SYNE2: variants seen among roughly 807,000 people sequenced by gnomAD.
SYNE2 encodes the protein spectrin repeat containing nuclear envelope protein 2, also known as nesprin-2.
In SYNE2, 431 loss-of-function variants were observed where a neutral mutation model predicts 856.3. The observed-to-expected ratio is 0.50, with a 90% confidence interval of 0.47 to 0.55. The LOEUF is 0.55. Among genes scored for constraint, SYNE2 ranks in the 20% least tolerant of loss-of-function variants. The pLI, the probability that SYNE2 is intolerant of heterozygous loss-of-function variation, is 0.00. For missense variants in SYNE2, 8,129 were observed against 8,023.2 expected (o/e 1.01, Z -0.50); for synonymous variants, 2,923 against 2,872.3 (o/e 1.02, Z -0.56).
intron 1 of SYNE2, among the ~76,000 whole-genome samples, chr14:63,906,888 G>A (rs2095415209): frequency 6.6e-6 from 1 of 152,196 alleles, no homozygotes; most frequent in East Asian, 1.9e-4. Context: ...ATGAGGGCCT[G>A]TTTCCTCATA....
Position 64,053,143 on chromosome 14 carries a change from C to T in SYNE2, c.9230C>T (p.Pro3077Leu), listed in dbSNP as rs200742016. 4,062 of 1,614,022 alleles carry T rather than the reference C, an allele frequency of 2.5e-3. 10 individuals carry two copies. Among genetic ancestry groups the T allele is most frequent in the Non-Finnish European group, 3.2e-3 (3,768 of 1,180,014 alleles). ...GTACTAAAAGCTCCTGATAGCTCTC[C>T]GGAAAGCAGACGGCTCAATGCCCAA... is the stretch of plus-strand genomic sequence containing the variant. ...EVVLKAPDSSPESRRLNAQIL... is the reference protein window; with the variant it reads ...EVVLKAPDSSLESRRLNAQIL... Residue 3077 changes from proline to leucine, a missense_variant, in exon 48 of 116, where the codon CCG becomes CTG. Around this residue, in one of 3 missense-constraint regions of SYNE2, gnomAD observed 5,410 missense variants for 5,284.8 expected, o/e 1.02. Transcript: ENST00000555002.
In SYNE2 at chr14:64,224,447, G is replaced by T; in HGVS notation, c.20383-14G>T. ...ACACATTTCTGTGCTCAACCTTTGG[G>T]GTCTGAATTTCAGAACCCAGCCTCA... is the stretch of plus-strand genomic sequence containing the variant. On this transcript the variant is annotated splice_polypyrimidine_tract_variant and intron_variant, in intron 113 of 115. Transcript: ENST00000555002. The T allele has an allele frequency of 6.2e-7, 1 of 1,601,822 alleles. No individual in the cohort carries two copies. The highest frequency in any genetic ancestry group is 8.5e-7 in the Non-Finnish European group (1 of 1,172,312).
chr14:64,070,739 A>G lies in SYNE2; in HGVS notation c.10526A>G (p.Glu3509Gly). 3.1e-6 allele frequency: 5 copies of G among 1,614,218 alleles called. No individual in the cohort carries two copies. Among genetic ancestry groups the G allele is most frequent in the Non-Finnish European group, 4.2e-6 (5 of 1,180,036 alleles). ...KEAATTEELSELLDCLCQYGE... is the reference protein window; with the variant it reads ...KEAATTEELSGLLDCLCQYGE... ...GCAGCCACCACAGAGGAACTCTCTG[A>G]GCTGCTAGACTGTTTATGCCAATAT... Residue 3509 changes from glutamate to glycine, a missense_variant, in exon 52 of 116, where the codon GAG becomes GGG. Coordinates refer to ENST00000555002, the MANE Select transcript of SYNE2 (RefSeq NM_182914.3).
At position 64,224,496 on chromosome 14, in the gene SYNE2, A is replaced by G; in HGVS notation, c.20418A>G (p.Val6806=). 1.9e-6 allele frequency: 3 copies of G among 1,614,116 alleles called. No homozygotes were observed. Among genetic ancestry groups the G allele is most frequent in the Non-Finnish European group, 2.5e-6 (3 of 1,180,022 alleles). ...CACCCCTGCCCAGCTTCGACGAGGT[A>G]GACTCGGGGGACCAGCCTCCTGCAA... The part of the protein sequence containing the change: ...PASPLPSFDE[V]DSGDQPPATS... Residue 6806 remains valine, a synonymous_variant, in exon 114 of 116, where the codon GTA becomes GTG. Coordinates refer to ENST00000555002, the MANE Select transcript of SYNE2 (RefSeq NM_182914.3).
At chr14:63,937,836 A>G (rs2095852014) in intron 2 of SYNE2, among the ~76,000 whole-genome samples, 1 of 152,222 alleles carries the variant, frequency 6.6e-6, no homozygotes, top group Non-Finnish European at 1.5e-5. Context: ...GTTGGTAATA[A>G]TTGATCATGG....
chr14:63,914,554 T>C (rs2095512456), intron 2 of SYNE2, among the ~76,000 whole-genome samples: 1 of 152,146 alleles, frequency 6.6e-6, no homozygotes, highest in Non-Finnish European at 1.5e-5. Flanking sequence ...TTAGGAAGTA[T>C]TAGCAAATAT....
At chr14:63,823,623 ATTT>A (rs34883942) in intron 1 of SYNE2, among the ~76,000 whole-genome samples, 4 of 143,000 alleles carry the variant, frequency 2.8e-5, no homozygotes, top group Admixed American at 7.0e-5. Flanking sequence ...TGGAAGGAAC[ATTT>A]TTTTTTTTTT....
chr14:64,225,477 G>T lies in SYNE2; in HGVS notation c.20675G>T (p.Arg6892Leu), dbSNP rs774785412. The change falls in exon 116 of 116, where the codon CGG (arginine) becomes CTG (leucine). Residue 6892 changes from arginine to leucine, a missense_variant. Transcript: ENST00000555002. Reference sequence around the variant, plus strand: ...TGCACTCAGGCCAACAACTTTGCCCGGTCCTTTTACCCCATGCTGAGGTAC... The same window carrying T: ...TGCACTCAGGCCAACAACTTTGCCCTGTCCTTTTACCCCATGCTGAGGTAC... ...YSCTQANNFA[R>L]SFYPMLRYTN... 1.2e-6 allele frequency: 2 copies of T among 1,614,140 alleles called. No homozygotes were observed. Among genetic ancestry groups the T allele is most frequent in the South Asian group, 2.2e-5 (2 of 91,066 alleles).
chr14:63,852,745 C>T (rs1232109195), upstream of SYNE2, among the ~76,000 whole-genome samples: 2 of 152,190 alleles, frequency 1.3e-5, no homozygotes, highest in South Asian at 2.1e-4. Context: ...CCTGTTCACC[C>T]AGCCCCGGGT....
intron 30 of SYNE2, among the ~76,000 whole-genome samples, chr14:64,004,079 C>T (rs967316887): frequency 3.3e-5 from 5 of 151,964 alleles, no homozygotes; most frequent in African/African-American, 1.2e-4. Context: ...GGCTGGAGTT[C>T]AGTGGTGCGA....
At chr14:63,900,136 T>C (rs2095316131) in intron 1 of SYNE2, among the ~76,000 whole-genome samples, 1 of 152,156 alleles carries the variant, frequency 6.6e-6, no homozygotes, top group South Asian at 2.1e-4. Context: ...GTTCTGATCA[T>C]GGGTTAAGTG....
chr14:64,209,939 C>T lies in SYNE2; in HGVS notation c.18541-3C>T, dbSNP rs1270549466. The stretch of plus-strand genomic sequence containing the variant: ...TGGCTCTGACCCCTCCCATGTGATG[C>T]AGGCCTTTCAGCGGCAGATTCATGA... On this transcript the variant is annotated splice_region_variant and splice_polypyrimidine_tract_variant and intron_variant, in intron 102 of 115. Coordinates refer to ENST00000555002, the MANE Select transcript of SYNE2 (RefSeq NM_182914.3). The T allele has an allele frequency of 1.9e-6, 3 of 1,614,132 alleles. No homozygotes were observed. Among genetic ancestry groups the T allele is most frequent in the Admixed American group, 1.7e-5 (1 of 60,030 alleles).
chr14:63,891,781 C>G (rs1442480788), intron 1 of SYNE2, among the ~76,000 whole-genome samples: 2 of 151,982 alleles, frequency 1.3e-5, no homozygotes, highest in Admixed American at 1.3e-4. Flanking sequence ...TAAGGGAACA[C>G]AGTTAAAGAG....
chr14:64,068,606 A>G (rs1425464053), intron 51 of SYNE2, among the ~76,000 whole-genome samples: 2 of 152,104 alleles, frequency 1.3e-5, no homozygotes, highest in Non-Finnish European at 2.9e-5. Flanking sequence ...TCACGCCTGT[A>G]ATCCCAGCAC....
chr14:64,117,613 C>T (rs1451139538), intron 66 of SYNE2, among the ~76,000 whole-genome samples: 1 of 152,076 alleles, frequency 6.6e-6, no homozygotes, highest in Non-Finnish European at 1.5e-5. Context: ...TATGTTTTAT[C>T]TATACCTCAT....
intron 1 of SYNE2, among the ~76,000 whole-genome samples, chr14:63,866,796 A>G (rs563578762): frequency 6.6e-6 from 1 of 152,266 alleles, no homozygotes; most frequent in Admixed American, 6.5e-5. Context: ...ACATAGTGAG[A>G]TCCCGTCTCT....
chr14:64,062,939 T>A, intron 50 of SYNE2, 44 bp downstream of exon 50: 1 of 1,613,222 alleles, frequency 6.2e-7, no homozygotes, highest in Non-Finnish European at 8.5e-7. Flanking sequence ...GTGCAAAAAA[T>A]TGCAGAACAA....
At chr14:64,131,487 TGTGG>T (rs1348964404) in intron 76 of SYNE2, among the ~76,000 whole-genome samples, 1 of 152,248 alleles carries the variant, frequency 6.6e-6, no homozygotes. Flanking sequence ...CTTTCGAATA[TGTGG>T]GTTGCTTGAG....
intron 34 of SYNE2, among the ~76,000 whole-genome samples, chr14:64,018,762 G>A (rs896667881): frequency 2.6e-5 from 4 of 152,000 alleles, no homozygotes; most frequent in Admixed American, 6.5e-5. Flanking sequence ...GATTTTAGAC[G>A]GCCTTCTTCA....
Sources: gnomAD v4.1 joint callset for allele counts (sites outside exome capture counted in the v4.1 genomes callset) on GRCh38, gnomAD v4.1.1 for gene constraint, gnomAD v4.1.1 regional missense constraint, MANE v1.5 for transcripts, NCBI Gene and HGNC (gene_info 2026-07-23, HGNC 2026-07-21) for gene names.